PLEKHH1: variants seen among roughly 807,000 people sequenced by gnomAD.
PLEKHH1 encodes pleckstrin homology, MyTH4 and FERM domain containing H1, also known as pleckstrin homology domain-containing family H member 1.
Under a neutral mutation model 160.0 loss-of-function variants are expected in PLEKHH1, and 104 were observed. The observed-to-expected ratio is 0.65, with a 90% CI of 0.55 to 0.76. The LOEUF is 0.76. Ranked by LOEUF, PLEKHH1 falls within the 30% of genes least tolerant of loss-of-function variation. The pLI, the probability that PLEKHH1 is intolerant of heterozygous loss-of-function variation, is 0.00. For missense variants in PLEKHH1, 1,427 were observed against 1,724.1 expected, an observed-to-expected ratio of 0.83 and a Z score of 3.05; for synonymous variants, 619 against 678.4, an observed-to-expected ratio of 0.91 and a Z score of 1.36.
At chr14:67,571,051 A>T (rs542916767) in intron 9 of PLEKHH1, 6 of 152,334 alleles carry the variant, frequency 3.9e-5, no homozygotes, top group African/African-American at 1.4e-4. Context: ...GGTGTCCAGT[A>T]CCCTTGGTAT....
At chr14:67,544,120 A>T (rs554173613) in intron 2 of PLEKHH1, among the ~76,000 whole-genome samples, 21 of 152,222 alleles carry the variant, frequency 1.4e-4, no homozygotes, top group Non-Finnish European at 2.8e-4. Context: ...ACAAAATTTA[A>T]AAATAAAAAA....
intron 2 of PLEKHH1, among the ~76,000 whole-genome samples, chr14:67,546,828 A>T (rs755037100): frequency 1.2e-4 from 19 of 152,138 alleles, no homozygotes; most frequent in Admixed American, 3.3e-4. Flanking sequence ...ATCACACTAC[A>T]CTCCAGCCTG....
chr14:67,535,370 CTTTTTTTTTTTTTTTTT>C (rs71129833), intron 1 of PLEKHH1, among the ~76,000 whole-genome samples: 2 of 74,192 alleles, frequency 2.7e-5, no homozygotes, highest in Admixed American at 1.9e-4. Context: ...GTGAGCACAT[CTTTTTTTTTTTTTTTTT>C]TTTTTTTTTT....
rs753359553 is a variant in PLEKHH1, at chr14:67,579,311, T to C, written c.3027T>C (p.His1009=). ...TGCACTTTACCAACGGGACTTACCA[T>C]GTGAGGAGCTGGGCGTGCTCTTTGC... The part of the protein sequence containing the change: ...IPVHFTNGTY[H]VVGFDGSSTV... Residue 1009 remains histidine (H), a splice_region_variant and synonymous_variant, in exon 21 of 29, where the codon CAT becomes CAC. Transcript: ENST00000329153. The C allele has an allele frequency of 3.3e-6, 5 of 1,512,926 alleles. No individual in the cohort carries two copies. The highest frequency in any genetic ancestry group is 2.1e-4 in the Middle Eastern group (1 of 4,688). 93.7% of individuals were successfully genotyped at this position (1,512,926 alleles called of 1,614,324 possible).
Position 67,573,449 on chromosome 14 carries a change from C to T in PLEKHH1, c.1839+63C>T. The stretch of plus-strand genomic sequence containing the variant: ...CTCCACATCACACCCTGGACTATGT[C>T]AGATGGGACGGAGGAGGGGGAATGT... On this transcript the variant is annotated intron_variant, in intron 12 of 28. Transcript: ENST00000329153. This position sits in a 1 kb window ranked among gnomAD's most constrained non-coding sequence, Gnocchi z 4.8. The T allele has an allele frequency of 9.4e-7, 1 of 1,067,470 alleles. No individual in the cohort carries two copies. Among genetic ancestry groups the T allele is most frequent in the Non-Finnish European group, 1.4e-6 (1 of 691,900 alleles). The allele number at this position is 1,067,470 out of a possible 1,614,324, so 66.1% of individuals were successfully genotyped here.
rs1272566858 is a variant in PLEKHH1, at chr14:67,589,309, G to A, written c.*2074G>A. ...AGAAGAAACTAACTTAGAAACAAAG[G>A]ATTCAATATTTGCTTATTTATTCTT... On this transcript the variant is annotated 3_prime_UTR_variant, in exon 29 of 29. Coordinates refer to ENST00000329153, the MANE Select transcript of PLEKHH1 (RefSeq NM_020715.3). The A allele has an allele frequency of 2.1e-6, 2 of 972,176 alleles. No individual in the cohort carries two copies. The highest frequency in any genetic ancestry group is 2.4e-6 in the Non-Finnish European group (2 of 817,968). 60.2% of individuals were successfully genotyped at this position (972,176 alleles called of 1,614,324 possible).
At chr14:67,537,999 G>A (rs1420805313) in intron 1 of PLEKHH1, among the ~76,000 whole-genome samples, 1 of 152,202 alleles carries the variant, frequency 6.6e-6, no homozygotes, top group Non-Finnish European at 1.5e-5. Flanking sequence ...AAAACTATGA[G>A]TTTCATAAGA....
At position 67,574,633 on chromosome 14, in the gene PLEKHH1, G is replaced by C. The variant is rs2035542207; in HGVS notation, c.2088+230G>C. ...TGTTGGAACAACTATTCTCAAGAAA[G>C]AGAAGGGAAGGGACTATCTTGTATC... On this transcript the variant is annotated intron_variant, in intron 14 of 28. Transcript: ENST00000329153. The surrounding 1 kb of genome is among the most constrained non-coding windows in gnomAD (Gnocchi z 4.2). Among the ~76,000 whole-genome samples the C allele has an allele frequency of 6.6e-6, 1 of 152,228 alleles. No homozygotes were observed. Among genetic ancestry groups the C allele is most frequent in the African/African-American group, 2.4e-5 (1 of 41,480 alleles).
Position 67,579,710 on chromosome 14 carries a change from T to G in PLEKHH1, c.3028-11T>G. On this transcript the variant is annotated splice_polypyrimidine_tract_variant and intron_variant, in intron 21 of 28. Transcript: ENST00000329153. ...GGTTCACTCAGGGTTGGAACTCTTC[T>G]CCCGCCTCAGGTGGTTGGTTTTGAC... 6.2e-7 allele frequency: 1 copy of G among 1,610,866 alleles called. No homozygotes were observed. The highest frequency in any genetic ancestry group is 1.1e-5 in the South Asian group (1 of 89,996).
chr14:67,540,698 C>T (rs1200839741), intron 1 of PLEKHH1, among the ~76,000 whole-genome samples: 1 of 151,758 alleles, frequency 6.6e-6, no homozygotes, highest in Non-Finnish European at 1.5e-5. Context: ...CTAGGGTGAC[C>T]ATGTGTCATG....
intron 2 of PLEKHH1, 143 bp downstream of exon 2, chr14:67,542,136 T>C: frequency 1.2e-6 from 1 of 805,336 alleles, no homozygotes; most frequent in Non-Finnish European, 1.9e-6. Context: ...CAAGGTAGTT[T>C]AAGACCAAAG....
At chr14:67,544,359 TG>T (rs2034093641) in intron 2 of PLEKHH1, among the ~76,000 whole-genome samples, 1 of 152,112 alleles carries the variant, frequency 6.6e-6, no homozygotes, top group African/African-American at 2.4e-5. Flanking sequence ...GTGATACCCC[TG>T]GGGAGCCTGG....
intron 17 of PLEKHH1, 144 bp from the exon 18 acceptor site, chr14:67,577,158 T>C (rs1252430881): frequency 3.1e-6 from 2 of 643,576 alleles, no homozygotes; most frequent in African/African-American, 3.6e-5. Flanking sequence ...CCCCACACTC[T>C]ATGGATGATA....
In PLEKHH1 at chr14:67,583,776, A is replaced by G; in HGVS notation, c.3462A>G (p.Pro1154=). Residue 1154 remains proline (P), a synonymous_variant, in exon 25 of 29, where the codon CCA becomes CCG. Coordinates refer to ENST00000329153, the MANE Select transcript of PLEKHH1 (RefSeq NM_020715.3). ...EYGDLEKPAL[P]GPGGTSPAKA... is the part of the protein sequence containing the mutation. ...GGGACTTGGAGAAGCCTGCCCTGCC[A>G]GGCCCTGGAGGCACATCCCCTGCCA... 2.5e-6 allele frequency: 4 copies of G among 1,612,382 alleles called. No homozygotes were observed. Among genetic ancestry groups the G allele is most frequent in the Non-Finnish European group, 2.5e-6 (3 of 1,179,168 alleles).
intron 2 of PLEKHH1, 121 bp downstream of exon 2, chr14:67,542,114 C>G: frequency 1.1e-6 from 1 of 922,326 alleles, no homozygotes; most frequent in Admixed American, 3.1e-5. Context: ...TCCCCATATG[C>G]AAAATGAAAC....
intron 23 of PLEKHH1, among the ~76,000 whole-genome samples, chr14:67,581,377 T>A (rs1327351074): frequency 6.6e-6 from 1 of 151,608 alleles, no homozygotes; most frequent in Non-Finnish European, 1.5e-5. Flanking sequence ...ATGCAAAAAT[T>A]AGCTGGGCAT....
At chr14:67,568,704 G>C (rs12323376) in intron 7 of PLEKHH1, among the ~76,000 whole-genome samples, 39,293 of 151,946 alleles carry the variant, frequency 0.26, 5,304 homozygotes, top group East Asian at 0.45. Context: ...TCGTGTGGCC[G>C]CAGTGGCTTC....
chr14:67,581,440 C>A, intron 23 of PLEKHH1: 1 of 176,166 alleles, frequency 5.7e-6, no homozygotes, highest in Admixed American at 5.5e-5. Flanking sequence ...GTGGGAGGAT[C>A]ACTTAAACCT....
intron 10 of PLEKHH1, 111 bp from the exon 11 acceptor site, chr14:67,572,024 C>T: frequency 4.7e-6 from 7 of 1,478,538 alleles, no homozygotes; most frequent in Non-Finnish European, 4.6e-6. Context: ...CAGCTCCACC[C>T]CCAGCCCCAG....
Sources: gnomAD v4.1 joint callset for allele counts (sites outside exome capture counted in the v4.1 genomes callset) on GRCh38, gnomAD v4.1.1 for gene constraint, Gnocchi (gnomAD v3.1) non-coding constraint, MANE v1.5 for transcripts, NCBI Gene and HGNC (gene_info 2026-07-23, HGNC 2026-07-21) for gene names.